SDK1: variants seen among roughly 807,000 people sequenced by gnomAD.
SDK1 encodes protein sidekick-1.
Under a neutral mutation model 245.5 loss-of-function variants are expected in SDK1, and 157 were observed. That is an observed-to-expected ratio of 0.64 (90% CI 0.56 to 0.73). The LOEUF is 0.73. SDK1 is among the 30% of genes least tolerant of loss of function. The pLI is 0.00. For missense variants in SDK1, 3,583 were observed against 3,002.3 expected, an observed-to-expected ratio of 1.19 and a Z score of -4.52; for synonymous variants, 1,647 against 1,278.5, an observed-to-expected ratio of 1.29 and a Z score of -6.15.
At chr7:4,172,296 CG>C (rs1339131879) in intron 32 of SDK1, among the ~76,000 whole-genome samples, 6 of 152,166 alleles carry the variant, frequency 3.9e-5, no homozygotes, top group African/African-American at 1.2e-4. Context: ...CTGAGTCTGC[CG>C]GGTACACACG....
intron 1 of SDK1, among the ~76,000 whole-genome samples, chr7:3,440,023 A>G (rs1457772726): frequency 6.6e-6 from 1 of 152,184 alleles, no homozygotes; most frequent in African/African-American, 2.4e-5. Context: ...ATGCTTTGAC[A>G]TATTCACAGT....
At chr7:3,480,226 G>A (rs1021333679) in intron 1 of SDK1, among the ~76,000 whole-genome samples, 7 of 152,212 alleles carry the variant, frequency 4.6e-5, no homozygotes, top group African/African-American at 1.7e-4. Flanking sequence ...GAAGGATTCA[G>A]CAGGTCATTG....
At chr7:4,175,395 G>A (rs750419097) in intron 33 of SDK1, among the ~76,000 whole-genome samples, 4 of 152,230 alleles carry the variant, frequency 2.6e-5, no homozygotes, top group South Asian at 2.1e-4. Flanking sequence ...TGGTTTGCTC[G>A]GCTCCTCCAG....
chr7:3,923,107 G>C (rs1779651266), intron 5 of SDK1, among the ~76,000 whole-genome samples: 1 of 152,198 alleles, frequency 6.6e-6, no homozygotes, highest in South Asian at 2.1e-4. Flanking sequence ...TCTGATCTCA[G>C]ATGATTCCAT....
At chr7:4,107,134 T>A (rs1446322881) in intron 22 of SDK1, among the ~76,000 whole-genome samples, 1 of 3,674 alleles carries the variant, frequency 2.7e-4, no homozygotes, top group African/African-American at 9.2e-4. Context: ...GTGGGGAGGG[T>A]GGGGAGGGTG....
intron 1 of SDK1, among the ~76,000 whole-genome samples, chr7:3,429,260 C>G (rs930368291): frequency 2.0e-5 from 3 of 152,042 alleles, no homozygotes; most frequent in Non-Finnish European, 4.4e-5. Flanking sequence ...TTAAGTGCCT[C>G]TAAAATGCCA....
chr7:4,102,472 C>T (rs1466119575), intron 22 of SDK1, among the ~76,000 whole-genome samples: 1 of 152,204 alleles, frequency 6.6e-6, no homozygotes, highest in Non-Finnish European at 1.5e-5. Flanking sequence ...CTCCTCTTAG[C>T]TCTGGATGGA....
intron 1 of SDK1, among the ~76,000 whole-genome samples, chr7:3,415,560 T>C (rs1163483829): frequency 1.3e-5 from 2 of 151,992 alleles, no homozygotes; most frequent in African/African-American, 4.8e-5. Flanking sequence ...ATACTATGTA[T>C]TGCTCATAGA....
chr7:3,396,188 C>G (rs905677565), intron 1 of SDK1, among the ~76,000 whole-genome samples: 2 of 151,586 alleles, frequency 1.3e-5, no homozygotes, highest in Non-Finnish European at 3.0e-5. Flanking sequence ...GCTCATTCCC[C>G]CTTGTAATTT....
At position 4,178,506 on chromosome 7, in the gene SDK1, A is replaced by C. The variant is rs1207672292; in HGVS notation, c.5018A>C (p.Tyr1673Ser). 1 of 1,613,764 alleles carries C rather than the reference A, an allele frequency of 6.2e-7. No homozygotes were observed. The highest frequency in any genetic ancestry group is 2.2e-5 in the East Asian group (1 of 44,874). ...ELTHLKKYRR[Y>S]EVIMTAYNII... ...GCAGATTTAAAGAAGTACCGGCGCTATGAAGTAATAATGACCGCCTATAAC... is the reference window on the plus strand; with the variant it reads ...GCAGATTTAAAGAAGTACCGGCGCTCTGAAGTAATAATGACCGCCTATAAC... Residue 1673 changes from tyrosine to serine, a missense_variant, in exon 35 of 45, where the codon TAT becomes TCT. Transcript: ENST00000404826.
chr7:4,100,955 G>A (rs1782497186), intron 22 of SDK1, among the ~76,000 whole-genome samples: 1 of 152,050 alleles, frequency 6.6e-6, no homozygotes, highest in Non-Finnish European at 1.5e-5. Context: ...CCTGAGGCCT[G>A]CCCCAGGCTG....
chr7:3,640,761 G>A (rs572586746), intron 3 of SDK1, among the ~76,000 whole-genome samples: 3 of 151,540 alleles, frequency 2.0e-5, no homozygotes, highest in Non-Finnish European at 2.9e-5. Context: ...TTGACTCACC[G>A]CAACCTCCGC....
At chr7:3,566,682 A>G (rs1320138945) in intron 1 of SDK1, among the ~76,000 whole-genome samples, 1 of 151,730 alleles carries the variant, frequency 6.6e-6, no homozygotes, top group East Asian at 1.9e-4. Context: ...ACTTAGATTA[A>G]CAGGAAATCT....
At chr7:3,330,478 G>A (rs1481907196) in intron 1 of SDK1, among the ~76,000 whole-genome samples, 1 of 152,208 alleles carries the variant, frequency 6.6e-6, no homozygotes, top group Non-Finnish European at 1.5e-5. Flanking sequence ...TCATCAGGGT[G>A]AGGCCTCCAT....
chr7:3,594,436 G>C (rs1780986096), intron 1 of SDK1, among the ~76,000 whole-genome samples: 1 of 152,138 alleles, frequency 6.6e-6, no homozygotes, highest in African/African-American at 2.4e-5. Flanking sequence ...TTTTTGTGTG[G>C]ATGTATGTTT....
intron 5 of SDK1, among the ~76,000 whole-genome samples, chr7:3,897,869 T>C (rs1264489450): frequency 6.6e-6 from 1 of 152,018 alleles, no homozygotes; most frequent in Non-Finnish European, 1.5e-5. Context: ...TTCTTAAATT[T>C]CCCTTTTCTT....
At chr7:4,141,377 A>G (rs1190476735) in intron 28 of SDK1, among the ~76,000 whole-genome samples, 2 of 152,244 alleles carry the variant, frequency 1.3e-5, no homozygotes, top group Non-Finnish European at 1.5e-5. Flanking sequence ...CAACATCTTC[A>G]TTTCATCTCA....
At chr7:3,736,399 TCTC>T (rs1341770440) in intron 4 of SDK1, among the ~76,000 whole-genome samples, 1 of 152,142 alleles carries the variant, frequency 6.6e-6, no homozygotes, top group Non-Finnish European at 1.5e-5. Context: ...TTCACGCCCT[TCTC>T]CTGCCTCAGC....
intron 1 of SDK1, among the ~76,000 whole-genome samples, chr7:3,402,760 A>G (rs1778924299): frequency 6.6e-6 from 1 of 152,154 alleles, no homozygotes; most frequent in African/African-American, 2.4e-5. Flanking sequence ...AAGTTGCAAT[A>G]TTTTTGAGTC....
Sources: allele counts gnomAD v4.1 joint callset (sites outside exome capture counted in the v4.1 genomes callset), GRCh38; gene constraint gnomAD v4.1.1; transcripts MANE v1.5; gene names NCBI Gene and HGNC (gene_info 2026-07-23, HGNC 2026-07-21).